PCDH15: variants seen among roughly 807,000 people sequenced by gnomAD.
The protein encoded by PCDH15 is protocadherin related 15.
A neutral mutation model predicts 178.5 loss-of-function variants in PCDH15; 129 were observed. That is an observed-to-expected ratio of 0.72 (90% CI 0.63 to 0.84). PCDH15 has a LOEUF of 0.84. PCDH15 is among the 40% of genes least tolerant of loss of function. PCDH15 has a pLI of 0.00. For synonymous variants in PCDH15, 800 were observed against 732.0 expected, an observed-to-expected ratio of 1.09 and a Z score of -1.50; for missense variants, 2,230 against 2,099.9, an observed-to-expected ratio of 1.06 and a Z score of -1.21.
At chr10:54,517,114 T>C (rs910423984) in intron 3 of PCDH15, among the ~76,000 whole-genome samples, 11 of 152,144 alleles carry the variant, frequency 7.2e-5, no homozygotes, top group South Asian at 2.1e-4. Context: ...ACAGGCCAAA[T>C]TGTAAAGACG....
At chr10:54,691,882 G>T (rs568682769) in intron 1 of PCDH15, among the ~76,000 whole-genome samples, 213 of 152,164 alleles carry the variant, frequency 1.4e-3, no homozygotes, top group African/African-American at 5.0e-3. Flanking sequence ...GAACAGAAAA[G>T]TCAGCAAATT....
rs1842542009 is a variant in PCDH15 at position 55,578,579 on chromosome 10, T to G, written c.-156+49046A>C. On this transcript the variant is annotated intron_variant, in intron 2 of 5. Coordinates refer to the PCDH15 transcript ENST00000613346. ...TGTCATTCATTATATTTAGCTGAAT[T>G]ATACCAACCGCACTTTCATTGACGT... Among the ~76,000 whole-genome samples the G allele has an allele frequency of 3.3e-5, 5 of 152,300 alleles. No homozygotes were observed. The East Asian group carries it at 9.6e-4, about 29-fold the overall frequency.
At chr10:54,791,656 T>A (rs1328874737) in intron 1 of PCDH15, among the ~76,000 whole-genome samples, 1 of 152,050 alleles carries the variant, frequency 6.6e-6, no homozygotes, top group African/African-American at 2.4e-5. Flanking sequence ...GTGACAATTT[T>A]AAAAATCCTG....
At chr10:55,078,790 G>A (rs991413578) in intron 2 of PCDH15, among the ~76,000 whole-genome samples, 3 of 150,904 alleles carry the variant, frequency 2.0e-5, no homozygotes, top group South Asian at 2.1e-4. Context: ...CAAACCCCCC[G>A]TGGATCCCCA....
chr10:54,804,925 G>GA (rs1564524087), upstream of PCDH15, among the ~76,000 whole-genome samples: 58 of 4,146 alleles, frequency 0.014, 2 homozygotes, highest in East Asian at 0.066. Context: ...TTTCATAGTA[G>GA]ATTATATATA....
intron 2 of PCDH15, among the ~76,000 whole-genome samples, chr10:55,601,660 A>T (rs1431555354): frequency 6.6e-6 from 1 of 152,166 alleles, no homozygotes; most frequent in Non-Finnish European, 1.5e-5. Context: ...AAAAAAATAG[A>T]AAGCTGTTAA....
chr10:55,296,977 C>T (rs954245824), intron 1 of PCDH15, among the ~76,000 whole-genome samples: 1 of 151,928 alleles, frequency 6.6e-6, no homozygotes, highest in Non-Finnish European at 1.5e-5. Flanking sequence ...ATGTACTTTA[C>T]TTTTAAAAAA....
chr10:54,874,270 A>G (rs1299970411), intron 3 of PCDH15, among the ~76,000 whole-genome samples: 1 of 144,952 alleles, frequency 6.9e-6, no homozygotes, highest in Non-Finnish European at 1.5e-5. Flanking sequence ...ATGATTTCCA[A>G]TTTCATCCAT....
intron 3 of PCDH15, among the ~76,000 whole-genome samples, chr10:54,448,186 T>G (rs1207500351): frequency 6.6e-6 from 1 of 151,780 alleles, no homozygotes. Flanking sequence ...AAGTGGCATC[T>G]GGTTCCCCAA....
intron 13 of PCDH15, among the ~76,000 whole-genome samples, chr10:54,177,999 T>C (rs2047610944): frequency 6.6e-6 from 1 of 152,020 alleles, no homozygotes; most frequent in African/African-American, 2.4e-5. Flanking sequence ...AGGTGATGAT[T>C]GAAAACTTGA....
chr10:55,341,291 A>T (rs1844548928), intron 2 of PCDH15, among the ~76,000 whole-genome samples: 1 of 152,062 alleles, frequency 6.6e-6, no homozygotes, highest in Non-Finnish European at 1.5e-5. Flanking sequence ...AAAACACATA[A>T]GCAATAGAAA....
intron 2 of PCDH15, among the ~76,000 whole-genome samples, chr10:55,553,835 G>T (rs1842041737): frequency 6.6e-6 from 1 of 151,860 alleles, no homozygotes; most frequent in African/African-American, 2.4e-5. Flanking sequence ...GATGATTATG[G>T]TGATAATGAC....
At chr10:53,890,703 G>C (rs1379785323) in intron 26 of PCDH15, among the ~76,000 whole-genome samples, 1 of 152,066 alleles carries the variant, frequency 6.6e-6, no homozygotes, top group Non-Finnish European at 1.5e-5. Context: ...GCCTAGTTTA[G>C]ATGTTATTTT....
At chr10:55,404,865 C>A (rs1258020422) in intron 2 of PCDH15, among the ~76,000 whole-genome samples, 1 of 151,850 alleles carries the variant, frequency 6.6e-6, no homozygotes, top group Non-Finnish European at 1.5e-5. Context: ...ATTTAATCAG[C>A]ATGCTGATAC....
intron 13 of PCDH15, among the ~76,000 whole-genome samples, chr10:54,177,169 C>A (rs998359367): frequency 1.3e-5 from 2 of 151,878 alleles, no homozygotes; most frequent in African/African-American, 4.8e-5. Flanking sequence ...GTGAAATAAG[C>A]CAGTCTGACA....
At chr10:55,286,632 TAC>T (rs1372504158) in intron 1 of PCDH15, among the ~76,000 whole-genome samples, 1 of 151,938 alleles carries the variant, frequency 6.6e-6, no homozygotes, top group Non-Finnish European at 1.5e-5. Context: ...ACCTGCAATT[TAC>T]ACAGATGTAT....
At chr10:54,421,961 A>G (rs987933195) in intron 3 of PCDH15, among the ~76,000 whole-genome samples, 10 of 140,856 alleles carry the variant, frequency 7.1e-5, no homozygotes, top group African/African-American at 2.7e-4. Context: ...ATATATATAT[A>G]TATTTAGGGA....
At chr10:54,758,165 A>C (rs1023780025) in intron 1 of PCDH15, among the ~76,000 whole-genome samples, 19 of 152,334 alleles carry the variant, frequency 1.2e-4, no homozygotes, top group African/African-American at 4.6e-4. Context: ...CCTCAAATTA[A>C]AATGTTTTAG....
chr10:54,171,771 C>A (rs1427404329), intron 13 of PCDH15, among the ~76,000 whole-genome samples: 1 of 152,016 alleles, frequency 6.6e-6, no homozygotes, highest in East Asian at 1.9e-4. Flanking sequence ...TTCTGTTATT[C>A]CATTTAGTTT....
Sources: allele counts gnomAD v4.1 joint callset (sites outside exome capture counted in the v4.1 genomes callset), GRCh38; gene constraint gnomAD v4.1.1; transcripts MANE v1.5; gene names NCBI Gene and HGNC (gene_info 2026-07-23, HGNC 2026-07-21).